Variants in MDN1 observed in about 807,000 individuals in gnomAD.
MDN1 encodes midasin.
Under a neutral mutation model 669.2 loss-of-function variants are expected in MDN1, and 266 were observed. The observed-to-expected ratio is 0.40, with a 90% CI of 0.36 to 0.44. The LOEUF (loss-of-function observed/expected upper bound fraction) is 0.44. Among genes scored for constraint, MDN1 ranks in the 20% least tolerant of loss-of-function variants. The probability of loss-of-function intolerance (pLI) is 1.00; values close to 1 mark genes in which losing one functional copy is unlikely to be tolerated. For missense variants in MDN1, 5,940 were observed against 6,754.0 expected (o/e 0.88, Z 4.22); for synonymous variants, 2,385 against 2,457.1 (o/e 0.97, Z 0.87).
Position 89,699,055 on chromosome 6 carries a change from T to C in MDN1, c.8998-20A>G. 1.9e-6 allele frequency: 3 copies of C among 1,589,356 alleles called. No individual in the cohort carries two copies. Among genetic ancestry groups the C allele is most frequent in the Admixed American group, 3.4e-5 (2 of 59,322 alleles). ...AGACACCTAGAAATAAAGGAATAAT[T>C]AGGTAAGAGAATACCTGAGAAAGAC... On this transcript the variant is annotated intron_variant, in intron 58 of 101. Coordinates refer to ENST00000369393, the MANE Select transcript of MDN1 (RefSeq NM_014611.3).
rs549521518 is a variant in MDN1, at chr6:89,759,045, T to C, written c.2461-85A>G. On this transcript the variant is annotated intron_variant, in intron 17 of 101. Transcript: ENST00000369393. Reference sequence around the variant, plus strand: ...ACAGTTATGCAAGCAGGGTTAGAAATAGAGGCGGGGCAAATCTTTCCTACT... The same window carrying C: ...ACAGTTATGCAAGCAGGGTTAGAAACAGAGGCGGGGCAAATCTTTCCTACT... 478 of 1,384,566 alleles carry C rather than the reference T, an allele frequency of 3.5e-4. 6 individuals are homozygous for C. In the South Asian group the frequency reaches 5.6e-3, roughly 16 times the overall value. The allele number at this position is 1,384,566 out of a possible 1,614,324, so 85.8% of individuals were successfully genotyped here.
intron 11 of MDN1, among the ~76,000 whole-genome samples, chr6:89,777,677 C>T (rs1410905583): frequency 6.6e-6 from 1 of 152,086 alleles, no homozygotes; most frequent in Non-Finnish European, 1.5e-5. Flanking sequence ...ACACCACTAT[C>T]GTAGAAACTA....
In MDN1 at chr6:89,648,094, A is replaced by C; in HGVS notation, c.16333T>G (p.Tyr5445Asp). The change falls in exon 99 of 102, where the codon TAC becomes GAC. Residue 5445 changes from tyrosine (Y) to aspartate (D), a missense_variant. Tyr to Asp is a radical substitution (Grantham distance 160, BLOSUM62 -3). Around this residue, in one of 5 missense-constraint regions of MDN1, gnomAD observed 2,280 missense variants for 2,576.3 expected, o/e 0.88. Coordinates refer to ENST00000369393, the MANE Select transcript of MDN1 (RefSeq NM_014611.3). Reference sequence around the variant, plus strand: ...AGACGTAGAATCTGGGACCCAGAGTAATCACTGAACTGCTCATGAAATGGG... The same window carrying C: ...AGACGTAGAATCTGGGACCCAGAGTCATCACTGAACTGCTCATGAAATGGG... The part of the protein sequence containing the change: ...LHPFHEQFSD[Y>D]SGSQILRLCK... The C allele has an allele frequency of 6.2e-7, 1 of 1,614,228 alleles. No individual in the cohort carries two copies. The highest frequency in any genetic ancestry group is 1.1e-5 in the South Asian group (1 of 91,084).
intron 69 of MDN1, 71 bp downstream of exon 69, chr6:89,686,831 T>C (rs901050015): frequency 1.9e-6 from 3 of 1,576,348 alleles, no homozygotes; most frequent in African/African-American, 2.7e-5. Flanking sequence ...AGCAGGAAAA[T>C]CCTACACTTT....
At chr6:89,792,948 G>T (rs898502494) in intron 5 of MDN1, among the ~76,000 whole-genome samples, 4 of 152,160 alleles carry the variant, frequency 2.6e-5, no homozygotes, top group African/African-American at 7.2e-5. Flanking sequence ...GAACCTGGGA[G>T]GGGGGAGGTT....
intron 72 of MDN1, 76 bp downstream of exon 72, chr6:89,683,755 A>C (rs1811807257): frequency 1.1e-5 from 12 of 1,048,876 alleles, no homozygotes; most frequent in Middle Eastern, 2.6e-4. Context: ...AGGTTATGGT[A>C]ACTATGTCGT....
chr6:89,759,101 C>T (rs1584328433), intron 17 of MDN1, 141 bp from the exon 18 acceptor site: 3 of 764,588 alleles, frequency 3.9e-6, no homozygotes, highest in Non-Finnish European at 6.1e-6. Flanking sequence ...TGGCTGACAG[C>T]AGATAGGCAG....
intron 85 of MDN1, among the ~76,000 whole-genome samples, chr6:89,664,257 C>T (rs1028598392): frequency 1.3e-5 from 2 of 151,888 alleles, no homozygotes; most frequent in Admixed American, 1.3e-4. Context: ...ATCTAGCACA[C>T]GAGGCAGCTA....
intron 7 of MDN1, 64 bp from the exon 8 acceptor site, chr6:89,788,021 A>G: frequency 3.7e-6 from 5 of 1,354,600 alleles, no homozygotes; most frequent in Non-Finnish European, 5.2e-6. Context: ...TAATCAAAAC[A>G]AAACAACCCT....
In MDN1 at chr6:89,741,300, T is replaced by C. The variant is rs145278071; in HGVS notation, c.4449-922A>G. On this transcript the variant is annotated intron_variant, in intron 31 of 101. Coordinates refer to ENST00000369393, the MANE Select transcript of MDN1 (RefSeq NM_014611.3). ...CTTGAAACCACCTTTGCAAAAATTA[T>C]GAGTGAGAAAAAAGTCTAACAAAAA... Among the ~76,000 whole-genome samples, 113 of 152,166 alleles carry C rather than the reference T, an allele frequency of 7.4e-4. 4 individuals carry two copies. The East Asian group carries it at 0.021, about 28-fold the overall frequency.
chr6:89,708,242 G>A (rs558755063), intron 51 of MDN1, among the ~76,000 whole-genome samples: 1 of 152,320 alleles, frequency 6.6e-6, no homozygotes, highest in South Asian at 2.1e-4. Context: ...GGCAGAGGTT[G>A]CAGTGATCCA....
Position 89,787,795 on chromosome 6 carries a change from C to A in MDN1, c.1334+59G>T. 1.5e-6 allele frequency: 2 copies of A among 1,334,692 alleles called. 1 individual carries two copies. The highest frequency in any genetic ancestry group is 2.5e-5 in the South Asian group (2 of 81,632). The allele number at this position is 1,334,692 out of a possible 1,614,324, so 82.7% of individuals were successfully genotyped here. A position where few individuals can be genotyped will look rare whatever the true frequency, so the allele number is the denominator to read the frequency against. ...CTCTATTACAGGACCTCTGGCTCAG[C>A]ATGCAGACTTACGAGTAAGTGGCTC... On this transcript the variant is annotated intron_variant, in intron 8 of 101. Transcript: ENST00000369393.
chr6:89,776,610 G>C lies in MDN1; in HGVS notation c.1811C>G (p.Ser604Cys). The change falls in exon 12 of 102, where the codon TCT (serine) becomes TGT (cysteine). Residue 604 changes from serine (S) to cysteine (C), a missense_variant. Around this residue, in one of 5 missense-constraint regions of MDN1, gnomAD observed 1,203 missense variants for 1,268.9 expected, o/e 0.95. Transcript: ENST00000369393. ...AEVIGSKLNI[S>C]RKKAEFFCQL... ...AAACAGCACACATACCTTTTTTCTA[G>C]AAATGTTCAATTTGCTTCCAATAAC... 3 of 1,607,324 alleles carry C rather than the reference G, an allele frequency of 1.9e-6. No homozygotes were observed. The highest frequency in any genetic ancestry group is 2.6e-6 in the Non-Finnish European group (3 of 1,175,820).
At chr6:89,750,845 C>A (rs756468296) in intron 23 of MDN1, among the ~76,000 whole-genome samples, 1 of 151,890 alleles carries the variant, frequency 6.6e-6, no homozygotes, top group Non-Finnish European at 1.5e-5. Context: ...TCAAGTGATC[C>A]GACCGCCTTG....
rs1357793490 is a variant in MDN1, at chr6:89,722,985, T to C, written c.5937A>G (p.Glu1979=). 6.2e-7 allele frequency: 1 copy of C among 1,613,288 alleles called. No homozygotes were observed. Among genetic ancestry groups the C allele is most frequent in the Non-Finnish European group, 8.5e-7 (1 of 1,179,616 alleles). ...TTTTGTCCTCTTCGGTTCTCATTCT[T>C]TCACCATAGACCAAAAACACATGCT... is the stretch of plus-strand genomic sequence containing the variant. ...PGQHVFLVYG[E]RMRTEEDKKK... is the part of the protein sequence containing the mutation. The change falls in exon 40 of 102, where the codon GAA becomes GAG. Residue 1979 remains glutamate, a synonymous_variant. Transcript: ENST00000369393.
chr6:89,768,037 CA>C (rs796804346), intron 15 of MDN1, among the ~76,000 whole-genome samples: 12 of 136,714 alleles, frequency 8.8e-5, no homozygotes, highest in Admixed American at 1.5e-4. Flanking sequence ...GACCCTGTCT[CA>C]AAAAAAAAAC....
intron 83 of MDN1, among the ~76,000 whole-genome samples, chr6:89,669,405 T>C (rs1488836795): frequency 1.3e-5 from 2 of 152,224 alleles, no homozygotes; most frequent in African/African-American, 4.8e-5. Flanking sequence ...TTATTATTAT[T>C]ACTGTTACTT....
intron 51 of MDN1, 149 bp from the exon 52 acceptor site, chr6:89,707,625 G>A (rs1422434317): frequency 3.1e-6 from 2 of 635,422 alleles, no homozygotes; most frequent in Non-Finnish European, 5.6e-6. Flanking sequence ...TAAAGAGATG[G>A]AGATGAAAGT....
chr6:89,686,785 G>T (rs1252057674), intron 69 of MDN1, 117 bp downstream of exon 69: 7 of 1,333,392 alleles, frequency 5.2e-6, no homozygotes, highest in Non-Finnish European at 3.1e-6. Context: ...CAAATGGGAG[G>T]CATTCCCATG....
Sources: allele counts gnomAD v4.1 joint callset (sites outside exome capture counted in the v4.1 genomes callset), GRCh38; gene constraint gnomAD v4.1.1; regional missense constraint gnomAD v4.1.1; transcripts MANE v1.5; gene names NCBI Gene and HGNC (gene_info 2026-07-23, HGNC 2026-07-21).